The following PTPRN2 variants were observed in gnomAD, a reference collection of about 807,000 sequenced individuals.
PTPRN2 encodes receptor-type tyrosine-protein phosphatase N2.
In PTPRN2, 74 loss-of-function variants were observed where a neutral mutation model predicts 118.8. The observed-to-expected ratio is 0.62, with a 90% CI of 0.52 to 0.76. PTPRN2 has a LOEUF of 0.76. Ranked by LOEUF, PTPRN2 falls within the 30% of genes least tolerant of loss-of-function variation. The pLI is 0.00. For synonymous variants in PTPRN2, 641 were observed against 608.0 expected, an observed-to-expected ratio of 1.05 and a Z score of -0.80; for missense variants, 1,481 against 1,394.4, an observed-to-expected ratio of 1.06 and a Z score of -0.99.
chr7:157,580,594 A>C (rs1343154659), intron 17 of PTPRN2, among the ~76,000 whole-genome samples: 479 of 113,628 alleles, frequency 4.2e-3, no homozygotes, highest in African/African-American at 0.014. Flanking sequence ...ACACCCCAGC[A>C]CCTGCACACC....
intron 10 of PTPRN2, among the ~76,000 whole-genome samples, chr7:158,100,292 T>C (rs896463380): frequency 1.3e-5 from 2 of 152,032 alleles, no homozygotes; most frequent in African/African-American, 4.8e-5. Flanking sequence ...ACGATTTCTT[T>C]ATCTACTCAT....
At chr7:157,772,701 T>C (rs1802955663) in intron 12 of PTPRN2, among the ~76,000 whole-genome samples, 1 of 152,222 alleles carries the variant, frequency 6.6e-6, no homozygotes, top group South Asian at 2.1e-4. Context: ...GGTCTCAGCG[T>C]TGGGTCTCTT....
At chr7:158,327,532 CACATGT>C (rs1315264882) in intron 2 of PTPRN2, among the ~76,000 whole-genome samples, 2 of 151,768 alleles carry the variant, frequency 1.3e-5, no homozygotes, top group African/African-American at 4.9e-5. Flanking sequence ...CACACACATG[CACATGT>C]ACACACTATC....
intron 11 of PTPRN2, among the ~76,000 whole-genome samples, chr7:157,914,992 A>G (rs914795348): frequency 6.6e-6 from 1 of 152,130 alleles, no homozygotes. Flanking sequence ...TCATTAAAAT[A>G]TATTTCTTCA....
At chr7:158,330,168 G>C (rs1170232447) in intron 2 of PTPRN2, among the ~76,000 whole-genome samples, 2 of 96,246 alleles carry the variant, frequency 2.1e-5, no homozygotes, top group African/African-American at 3.7e-5. Flanking sequence ...CACCCTAAGA[G>C]GTGACACCCG....
chr7:157,620,554 A>G (rs1181998978), intron 15 of PTPRN2, among the ~76,000 whole-genome samples: 1 of 152,236 alleles, frequency 6.6e-6, no homozygotes, highest in Admixed American at 6.5e-5. Context: ...TACAGCAGTA[A>G]TACTTCAAGG....
chr7:158,118,655 C>A (rs1212825501), intron 9 of PTPRN2, among the ~76,000 whole-genome samples: 3 of 152,130 alleles, frequency 2.0e-5, no homozygotes, highest in African/African-American at 4.8e-5. Flanking sequence ...TAGTACACAA[C>A]AAGGGATATC....
At chr7:158,161,841 G>GATATCTC (rs1183034638) in intron 6 of PTPRN2, among the ~76,000 whole-genome samples, 1 of 152,194 alleles carries the variant, frequency 6.6e-6, no homozygotes, top group East Asian at 1.9e-4. Flanking sequence ...TCTGATATCT[G>GATATCTC]ATAAAGGACC....
intron 11 of PTPRN2, among the ~76,000 whole-genome samples, chr7:158,070,848 A>C (rs890510589): frequency 2.9e-4 from 4 of 13,832 alleles, no homozygotes; most frequent in African/African-American, 1.3e-3. Context: ...CCATGGTGGT[A>C]TGGAGGTGCC....
At chr7:158,436,250 C>T (rs927265606) in intron 2 of PTPRN2, among the ~76,000 whole-genome samples, 26 of 152,242 alleles carry the variant, frequency 1.7e-4, no homozygotes, top group Admixed American at 1.7e-3. Context: ...TGCCTTGTTT[C>T]CTGGTTTCCA....
chr7:158,097,535 A>G lies in PTPRN2; in HGVS notation c.1643+13294T>C, dbSNP rs114621028. Among the ~76,000 whole-genome samples, 1,251 of 152,284 alleles carry G rather than the reference A, an allele frequency of 8.2e-3. 22 individuals carry two copies. The highest frequency in any genetic ancestry group is 0.028 in the African/African-American group (1,148 of 41,552). ...CTGATGTGGGAGCTCCACCGAAGCC[A>G]TCTGGAAGAGAACTGTCACAGAGCC... On this transcript the variant is annotated intron_variant, in intron 10 of 22. Coordinates refer to ENST00000389418, the MANE Select transcript of PTPRN2 (RefSeq NM_002847.5).
intron 2 of PTPRN2, among the ~76,000 whole-genome samples, chr7:158,405,656 A>G (rs1813347438): frequency 6.6e-6 from 1 of 152,266 alleles, no homozygotes; most frequent in African/African-American, 2.4e-5. Flanking sequence ...GAATCCAACC[A>G]AGATCCGGCC....
At chr7:158,158,429 G>A (rs541110610) in intron 6 of PTPRN2, among the ~76,000 whole-genome samples, 1 of 152,242 alleles carries the variant, frequency 6.6e-6, no homozygotes, top group African/African-American at 2.4e-5. Flanking sequence ...GTCACGGAAG[G>A]CTCGAAGGAG....
At chr7:158,194,085 TCAA>T (rs942627300) in intron 4 of PTPRN2, among the ~76,000 whole-genome samples, 4 of 150,696 alleles carry the variant, frequency 2.7e-5, no homozygotes, top group Admixed American at 6.6e-5. Flanking sequence ...AGACCCTGTT[TCAA>T]CAACAACAAA....
Position 158,563,063 on chromosome 7 carries a change from A to ACGG in PTPRN2, c.112+24492_112+24494dup, listed in dbSNP as rs1429177356. Among the ~76,000 whole-genome samples the ACGG allele has an allele frequency of 6.6e-6, 1 of 152,132 alleles. No individual in the cohort carries two copies. Among genetic ancestry groups the ACGG allele is most frequent in the African/African-American group, 2.4e-5 (1 of 41,428 alleles). On this transcript the variant is annotated intron_variant, in intron 1 of 22. Coordinates refer to ENST00000389418, the MANE Select transcript of PTPRN2 (RefSeq NM_002847.5). The surrounding 1 kb of genome is among the most constrained non-coding windows in gnomAD (Gnocchi z 5.1). ...CCTCCTGGTTTCAGAGAAATCAACC[A>ACGG]CGGCCACAGCCTCGTCCACATAGAG...
At chr7:158,340,108 C>CTCACCATAAGAGGTGACACCT (rs2151217130) in intron 2 of PTPRN2, among the ~76,000 whole-genome samples, 4 of 74,396 alleles carry the variant, frequency 5.4e-5, no homozygotes, top group Admixed American at 1.4e-4. Flanking sequence ...CACCCACACT[C>CTCACCATAAGAGGTGACACCT]GCACCATAAG....
At chr7:157,652,139 C>T (rs1313841172) in intron 14 of PTPRN2, among the ~76,000 whole-genome samples, 3 of 152,214 alleles carry the variant, frequency 2.0e-5, no homozygotes, top group African/African-American at 7.2e-5. Context: ...GGCAAAGCAA[C>T]ACAAAAACCA....
At chr7:157,827,467 T>C (rs1045520319) in intron 12 of PTPRN2, among the ~76,000 whole-genome samples, 2 of 152,144 alleles carry the variant, frequency 1.3e-5, no homozygotes, top group Non-Finnish European at 2.9e-5. Context: ...CTGGGCACTG[T>C]CTGGGGGCCT....
chr7:157,615,803 C>T lies in PTPRN2; in HGVS notation c.2344+5559G>A. On this transcript the variant is annotated intron_variant, in intron 15 of 22. Transcript: ENST00000389418. This position sits in a 1 kb window ranked among gnomAD's most constrained non-coding sequence, Gnocchi z 4.3. ...CACAAGGCTCGATTCTCCTGTTAAA[C>T]TTGACTGTCACCAACGGGGGGTGGG... 1 of 363,242 alleles carries T rather than the reference C, an allele frequency of 2.8e-6. No individual in the cohort carries two copies. Among genetic ancestry groups the T allele is most frequent in the Middle Eastern group, 8.5e-4 (1 of 1,170 alleles). 22.5% of individuals were successfully genotyped at this position (363,242 alleles called of 1,614,324 possible). A position where few individuals can be genotyped will look rare whatever the true frequency, so the allele number is the denominator to read the frequency against.
Sources: gnomAD v4.1 joint callset for allele counts (sites outside exome capture counted in the v4.1 genomes callset) on GRCh38, gnomAD v4.1.1 for gene constraint, Gnocchi (gnomAD v3.1) non-coding constraint, MANE v1.5 for transcripts, NCBI Gene and HGNC (gene_info 2026-07-23, HGNC 2026-07-21) for gene names.